Variants in GRID2 observed in about 807,000 individuals in gnomAD.
The protein encoded by GRID2 is glutamate receptor ionotropic, delta-2.
In GRID2, 33 loss-of-function variants were observed where a neutral mutation model predicts 114.8. That is an observed-to-expected ratio of 0.29 (90% confidence interval 0.22 to 0.38). The LOEUF is 0.38. Among genes scored for constraint, GRID2 ranks in the 10% least tolerant of loss-of-function variants. The pLI, the probability that GRID2 is intolerant of heterozygous loss-of-function variation, is 1.00. For synonymous variants in GRID2, 505 were observed against 449.9 expected, an observed-to-expected ratio of 1.12 and a Z score of -1.55; for missense variants, 1,184 against 1,257.7, an observed-to-expected ratio of 0.94 and a Z score of 0.89.
chr4:92,797,768 A>G (rs1739961882), intron 2 of GRID2, among the ~76,000 whole-genome samples: 1 of 151,912 alleles, frequency 6.6e-6, no homozygotes, highest in African/African-American at 2.4e-5. Flanking sequence ...ATATTTTTCA[A>G]TGTATTTATT....
chr4:93,045,806 T>C (rs1440057809), intron 2 of GRID2, among the ~76,000 whole-genome samples: 1 of 152,092 alleles, frequency 6.6e-6, no homozygotes, highest in East Asian at 1.9e-4. Flanking sequence ...CTTTTCCCAC[T>C]GTGTGTGTGT....
At chr4:92,361,520 C>A (rs865818192) in intron 1 of GRID2, among the ~76,000 whole-genome samples, 60 of 151,914 alleles carry the variant, frequency 3.9e-4, no homozygotes, top group African/African-American at 1.4e-3. Context: ...GTATCTAGTA[C>A]ATATTTTTAG....
intron 2 of GRID2, among the ~76,000 whole-genome samples, chr4:92,879,393 C>G (rs747442549): frequency 3.0e-4 from 46 of 152,274 alleles, no homozygotes; most frequent in Non-Finnish European, 5.3e-4. Context: ...GTAAATAGTA[C>G]TACATCTGGC....
intron 4 of GRID2, among the ~76,000 whole-genome samples, chr4:93,124,666 G>C (rs976184307): frequency 1.3e-5 from 2 of 152,032 alleles, no homozygotes; most frequent in African/African-American, 4.8e-5. Flanking sequence ...TAGAGAACCA[G>C]ATTTTACGGT....
chr4:93,247,258 G>T (rs538230815), intron 8 of GRID2, among the ~76,000 whole-genome samples: 1 of 152,240 alleles, frequency 6.6e-6, no homozygotes, highest in South Asian at 2.1e-4. Context: ...CACCTTGACT[G>T]GGCTAAGGGG....
intron 8 of GRID2, among the ~76,000 whole-genome samples, chr4:93,293,295 A>C (rs1021263179): frequency 3.3e-5 from 5 of 152,188 alleles, no homozygotes; most frequent in Non-Finnish European, 7.3e-5. Context: ...AGCTATCTAC[A>C]TCCGCTCCCA....
chr4:92,425,384 C>T (rs1732107872), intron 1 of GRID2, among the ~76,000 whole-genome samples: 1 of 151,966 alleles, frequency 6.6e-6, no homozygotes, highest in Non-Finnish European at 1.5e-5. Context: ...CACAAAAACA[C>T]AATGGAATAA....
intron 2 of GRID2, among the ~76,000 whole-genome samples, chr4:92,802,172 C>G (rs80080416): frequency 6.6e-6 from 1 of 151,778 alleles, no homozygotes; most frequent in Non-Finnish European, 1.5e-5. Flanking sequence ...GCAACATTGA[C>G]TAGAAGGCAC....
chr4:93,652,755 C>T (rs956819525), intron 14 of GRID2, among the ~76,000 whole-genome samples: 5 of 115,860 alleles, frequency 4.3e-5, no homozygotes, highest in Admixed American at 2.3e-4. Flanking sequence ...TTAATACAGT[C>T]GATGAATGAC....
At chr4:92,940,398 AT>A (rs34651695) in intron 2 of GRID2, among the ~76,000 whole-genome samples, 76,466 of 136,530 alleles carry the variant, frequency 0.56, 24,507 homozygotes, top group African/African-American at 0.77. Flanking sequence ...AATGCTTGTG[AT>A]TTTTTGTACA....
chr4:92,590,859 C>T (rs1728678555), intron 2 of GRID2, among the ~76,000 whole-genome samples: 1 of 152,062 alleles, frequency 6.6e-6, no homozygotes, highest in African/African-American at 2.4e-5. Flanking sequence ...TTCATTGGTG[C>T]AAAGTAATGC....
At chr4:93,437,770 C>T (rs1375698092) in intron 10 of GRID2, among the ~76,000 whole-genome samples, 1 of 152,106 alleles carries the variant, frequency 6.6e-6, no homozygotes, top group Admixed American at 6.6e-5. Flanking sequence ...ACTGCCTGTA[C>T]TCACTTCATT....
intron 2 of GRID2, among the ~76,000 whole-genome samples, chr4:92,613,002 A>C (rs1729829875): frequency 6.6e-6 from 1 of 151,396 alleles, no homozygotes; most frequent in Non-Finnish European, 1.5e-5. Context: ...TCCTGTTTCT[A>C]ATATTAGGTA....
In GRID2 at chr4:93,224,780, C is replaced by A; in HGVS notation, c.1125+5C>A. The A allele has an allele frequency of 6.3e-7, 1 of 1,595,732 alleles. No homozygotes were observed. The highest frequency in any genetic ancestry group is 8.6e-7 in the Non-Finnish European group (1 of 1,168,258). On this transcript the variant is annotated splice_donor_5th_base_variant and intron_variant, in intron 7 of 15. Coordinates refer to ENST00000282020, the MANE Select transcript of GRID2 (RefSeq NM_001510.4). Reference sequence around the variant, plus strand: ...ATGTTGGAGACCATCAAGAAGGTAACTTCTTAATTTTCATGTAAAAAGGAT... The same window carrying A: ...ATGTTGGAGACCATCAAGAAGGTAAATTCTTAATTTTCATGTAAAAAGGAT...
chr4:93,660,865 A>C (rs1723428333), intron 14 of GRID2, among the ~76,000 whole-genome samples: 1 of 152,154 alleles, frequency 6.6e-6, no homozygotes, highest in African/African-American at 2.4e-5. Context: ...TCCTGCTCAC[A>C]GAGGGCATTT....
chr4:92,950,621 T>G (rs1327455794), intron 2 of GRID2, among the ~76,000 whole-genome samples: 2 of 152,172 alleles, frequency 1.3e-5, no homozygotes, highest in African/African-American at 4.8e-5. Context: ...CATAGCATGC[T>G]TCTTCTCACA....
chr4:93,336,255 A>G (rs1002929348), intron 8 of GRID2, among the ~76,000 whole-genome samples: 6 of 152,146 alleles, frequency 3.9e-5, no homozygotes, highest in East Asian at 3.9e-4. Context: ...CCAAATTTAT[A>G]CCATTATTAT....
chr4:93,031,840 G>A (rs887693660), intron 2 of GRID2, among the ~76,000 whole-genome samples: 1 of 151,926 alleles, frequency 6.6e-6, no homozygotes, highest in African/African-American at 2.4e-5. Flanking sequence ...TACCAACTTT[G>A]GGGAAGATAG....
intron 1 of GRID2, among the ~76,000 whole-genome samples, chr4:92,364,142 C>T (rs951132900): frequency 6.6e-6 from 1 of 152,026 alleles, no homozygotes; most frequent in South Asian, 2.1e-4. Flanking sequence ...TATCATCAAA[C>T]TACATTTCTA....
Sources: gnomAD v4.1 joint callset for allele counts (sites outside exome capture counted in the v4.1 genomes callset) on GRCh38, gnomAD v4.1.1 for gene constraint, MANE v1.5 for transcripts, NCBI Gene and HGNC (gene_info 2026-07-23, HGNC 2026-07-21) for gene names.